Variants in SLC38A1 observed in about 807,000 individuals in gnomAD.
SLC38A1 encodes solute carrier family 38 member 1.
SLC38A1 carries 18 observed loss-of-function variants against 60.3 expected under a neutral mutation model. The ratio of observed to expected loss-of-function variants is 0.30; its 90% CI spans 0.21 to 0.44. The LOEUF (loss-of-function observed/expected upper bound fraction) is 0.44, where lower values mean the gene tolerates loss of function less well. Among genes scored for constraint, SLC38A1 ranks in the 20% least tolerant of loss-of-function variants. SLC38A1 has a pLI of 1.00. For synonymous variants in SLC38A1, 196 were observed against 212.1 expected (o/e 0.92, Z 0.66); for missense variants, 448 against 587.2 (o/e 0.76, Z 2.45).
intron 5 of SLC38A1, among the ~76,000 whole-genome samples, chr12:46,226,566 C>T (rs1275926838): frequency 6.7e-6 from 1 of 148,756 alleles, no homozygotes; most frequent in African/African-American, 2.5e-5. Flanking sequence ...AATAGGAATT[C>T]ATCAACACAA....
At chr12:46,214,621 C>T (rs927250572) in intron 5 of SLC38A1, among the ~76,000 whole-genome samples, 10 of 152,274 alleles carry the variant, frequency 6.6e-5, no homozygotes, top group Admixed American at 6.5e-4. Context: ...GTAAATTTAA[C>T]AAACCTCACC....
intron 11 of SLC38A1, 42 bp downstream of exon 11, chr12:46,204,259 A>C: frequency 8.1e-7 from 1 of 1,237,224 alleles, no homozygotes; most frequent in Non-Finnish European, 1.2e-6. Flanking sequence ...AATGTCCTTA[A>C]TAAAAATGCT....
At chr12:46,236,733 A>G (rs1477799772) in intron 3 of SLC38A1, among the ~76,000 whole-genome samples, 1 of 152,204 alleles carries the variant, frequency 6.6e-6, no homozygotes, top group African/African-American at 2.4e-5. Flanking sequence ...CATTTAGAGG[A>G]ACAGTCTAGA....
chr12:46,188,860 G>A lies in SLC38A1; in HGVS notation c.*110C>T, dbSNP rs990889437. 1 of 886,372 alleles carries A rather than the reference G, an allele frequency of 1.1e-6. No individual in the cohort carries two copies. The highest frequency in any genetic ancestry group is 1.8e-6 in the Non-Finnish European group (1 of 548,830). 54.9% of individuals were successfully genotyped at this position (886,372 alleles called of 1,614,324 possible). A position where few individuals can be genotyped will look rare whatever the true frequency, so the allele number is the denominator to read the frequency against. On this transcript the variant is annotated 3_prime_UTR_variant, in exon 17 of 17. Transcript: ENST00000398637. ...AAAGTTATTCCATTTTAAGTATCCT[G>A]TACATTTCTGTTTGCTTCTGTAAAC...
chr12:46,258,778 C>T (rs574101571), intron 1 of SLC38A1, among the ~76,000 whole-genome samples: 5 of 152,208 alleles, frequency 3.3e-5, no homozygotes, highest in Non-Finnish European at 4.4e-5. Flanking sequence ...TTCGGCCTCC[C>T]GAGTACCTGG....
At position 46,241,606 on chromosome 12, in the gene SLC38A1, C is replaced by G. The variant is rs566898000; in HGVS notation, c.-94+1594G>C. ...CCTGGTCTGAGGCTGATTCCTCTAA[C>G]CACAGTGGTGGTGCTAGAGACGGCC... On this transcript the variant is annotated intron_variant, in intron 2 of 16. Transcript: ENST00000398637. 2.0e-5 allele frequency among the ~76,000 whole-genome samples: 3 copies of G among 152,282 alleles called. No homozygotes were observed. The South Asian group carries it at 6.2e-4, about 32-fold the overall frequency.
At chr12:46,204,999 T>C (rs1190236429) in intron 9 of SLC38A1, among the ~76,000 whole-genome samples, 1 of 152,216 alleles carries the variant, frequency 6.6e-6, no homozygotes, top group Non-Finnish European at 1.5e-5. Flanking sequence ...CTCTTTATTA[T>C]GCACTTATTG....
At chr12:46,220,973 T>G (rs2137639969) in intron 5 of SLC38A1, among the ~76,000 whole-genome samples, 1 of 152,310 alleles carries the variant, frequency 6.6e-6, no homozygotes, top group African/African-American at 2.4e-5. Context: ...CTTCTATTTC[T>G]ATTTACTCCT....
intron 1 of SLC38A1, among the ~76,000 whole-genome samples, chr12:46,248,699 CCAAAT>C (rs1281426184): frequency 7.2e-5 from 11 of 152,156 alleles, no homozygotes; most frequent in Admixed American, 3.9e-4. Context: ...ACTCTCCACC[CCAAAT>C]CAACAAAATA....
intron 3 of SLC38A1, among the ~76,000 whole-genome samples, chr12:46,238,277 T>G (rs903397147): frequency 6.6e-6 from 1 of 152,168 alleles, no homozygotes; most frequent in African/African-American, 2.4e-5. Flanking sequence ...TTGACCGTAC[T>G]TGGATAATAA....
At chr12:46,256,182 A>AG (rs1234397605) in intron 1 of SLC38A1, among the ~76,000 whole-genome samples, 1 of 151,696 alleles carries the variant, frequency 6.6e-6, no homozygotes, top group African/African-American at 2.4e-5. Context: ...AAAAAAAAAA[A>AG]AAAAGTCAAA....
In SLC38A1 at chr12:46,198,607, A is replaced by T; in HGVS notation, c.1122+18T>A. Reference sequence around the variant, plus strand: ...GAGACCTCAGCTTTTCTCATATTGCACAGAGGCCCTTACTCACCGTGAAAA... The same window carrying T: ...GAGACCTCAGCTTTTCTCATATTGCTCAGAGGCCCTTACTCACCGTGAAAA... On this transcript the variant is annotated intron_variant, in intron 14 of 16. Transcript: ENST00000398637. 1 of 1,545,842 alleles carries T rather than the reference A, an allele frequency of 6.5e-7. No homozygotes were observed. Among genetic ancestry groups the T allele is most frequent in the South Asian group, 1.2e-5 (1 of 86,060 alleles).
intron 3 of SLC38A1, among the ~76,000 whole-genome samples, chr12:46,230,356 T>C (rs1301358208): frequency 6.6e-6 from 1 of 152,158 alleles, no homozygotes; most frequent in Non-Finnish European, 1.5e-5. Flanking sequence ...ATATGGTCGA[T>C]GGTGAGGGTC....
rs942278936 is a variant in SLC38A1, at chr12:46,186,687, T to C, written c.*2283A>G. 1 of 152,214 alleles carries C rather than the reference T, an allele frequency of 6.6e-6. No homozygotes were observed. Among genetic ancestry groups the C allele is most frequent in the Admixed American group, 6.5e-5 (1 of 15,278 alleles). The allele number at this position is 152,214 out of a possible 1,614,324, so 9.4% of individuals were successfully genotyped here. On this transcript the variant is annotated 3_prime_UTR_variant, in exon 17 of 17. Transcript: ENST00000398637. ...GGTGTCACACAGATCAACAACACTGTGCCTCCTCTAAATAAATCTATTTTA... is the reference window on the plus strand; with the variant it reads ...GGTGTCACACAGATCAACAACACTGCGCCTCCTCTAAATAAATCTATTTTA...
At chr12:46,203,975 A>G (rs1939776318) in intron 11 of SLC38A1, among the ~76,000 whole-genome samples, 1 of 152,198 alleles carries the variant, frequency 6.6e-6, no homozygotes, top group Non-Finnish European at 1.5e-5. Flanking sequence ...AGTCTGCAGT[A>G]TTCCTTTCTG....
intron 16 of SLC38A1, among the ~76,000 whole-genome samples, chr12:46,195,143 T>C (rs1361861030): frequency 6.6e-6 from 1 of 152,210 alleles, no homozygotes. Flanking sequence ...TTTTTGTTGA[T>C]GTTGATGCTA....
intron 5 of SLC38A1, among the ~76,000 whole-genome samples, chr12:46,212,672 A>T (rs1295731237): frequency 6.6e-6 from 1 of 152,152 alleles, no homozygotes; most frequent in Non-Finnish European, 1.5e-5. Flanking sequence ...CTGAGAAGAA[A>T]CTTAGAATTC....
At chr12:46,266,501 T>C (rs942649375) in intron 1 of SLC38A1, among the ~76,000 whole-genome samples, 1 of 152,018 alleles carries the variant, frequency 6.6e-6, no homozygotes, top group East Asian at 1.9e-4. Flanking sequence ...ATTATGGAAA[T>C]AGCTGATCCC....
intron 5 of SLC38A1, among the ~76,000 whole-genome samples, chr12:46,216,174 T>G (rs1476468719): frequency 6.6e-6 from 1 of 152,150 alleles, no homozygotes; most frequent in East Asian, 1.9e-4. Context: ...CATTCATCTT[T>G]CATCTCCACC....
Sources: gnomAD v4.1 joint callset for allele counts (sites outside exome capture counted in the v4.1 genomes callset) on GRCh38, gnomAD v4.1.1 for gene constraint, MANE v1.5 for transcripts, NCBI Gene and HGNC (gene_info 2026-07-23, HGNC 2026-07-21) for gene names.